XPNPEP3: variants seen among roughly 807,000 people sequenced by gnomAD.
XPNPEP3 encodes X-prolyl aminopeptidase 3.
In XPNPEP3, 41 loss-of-function variants were observed where a neutral mutation model predicts 60.0. The ratio of observed to expected loss-of-function variants is 0.68; its 90% CI spans 0.53 to 0.89. The LOEUF is 0.89. XPNPEP3 is among the 40% of genes least tolerant of loss of function. The probability of loss-of-function intolerance (pLI) is 0.00; values close to 1 mark genes in which losing one functional copy is unlikely to be tolerated. For missense variants in XPNPEP3, 598 were observed against 638.9 expected, an observed-to-expected ratio of 0.94 and a Z score of 0.69; for synonymous variants, 212 against 223.2, an observed-to-expected ratio of 0.95 and a Z score of 0.45.
intron 7 of XPNPEP3, among the ~76,000 whole-genome samples, chr22:40,916,235 T>G (rs2058195644): frequency 6.6e-6 from 1 of 151,342 alleles, no homozygotes; most frequent in Admixed American, 6.6e-5. Context: ...GAGGTTGCAG[T>G]GAGCCGAGAT....
At chr22:40,902,634 C>T (rs1009727862) in intron 4 of XPNPEP3, among the ~76,000 whole-genome samples, 2 of 152,288 alleles carry the variant, frequency 1.3e-5, no homozygotes, top group African/African-American at 2.4e-5. Flanking sequence ...CCGCCTGCCT[C>T]GGCCTCCCAA....
At chr22:40,874,913 C>G (rs2058021935) in intron 2 of XPNPEP3, among the ~76,000 whole-genome samples, 1 of 152,170 alleles carries the variant, frequency 6.6e-6, no homozygotes. Context: ...TCCCCAGTCA[C>G]TCAGTCCTTA....
chr22:40,868,938 T>C, intron 1 of XPNPEP3, 61 bp from the exon 2 acceptor site: 1 of 1,353,534 alleles, frequency 7.4e-7, no homozygotes, highest in East Asian at 2.3e-5. Flanking sequence ...ATAAGTGTAT[T>C]TATACCATGA....
At chr22:40,891,113 C>T (rs1197126386) in intron 4 of XPNPEP3, among the ~76,000 whole-genome samples, 5 of 136,134 alleles carry the variant, frequency 3.7e-5, no homozygotes, top group East Asian at 2.2e-4. Context: ...GAGCCCAAGA[C>T]GGGTGGATCA....
rs756878151 is a variant in XPNPEP3 at position 40,923,213 on chromosome 22, TA to T, written c.1236+714del. Among the ~76,000 whole-genome samples the T allele has an allele frequency of 8.1e-3, 1,110 of 136,972 alleles. 3 individuals carry two copies. Among genetic ancestry groups the T allele is most frequent in the African/African-American group, 0.011 (420 of 37,362 alleles). 89.9% of individuals were successfully genotyped at this position (136,972 alleles called of 152,430 possible). A position where few individuals can be genotyped will look rare whatever the true frequency, so the allele number is the denominator to read the frequency against. ...GGGCCACAGAACAAGGCCCTGTGTCTAAAAAAAAAAAAAAGAGAGAGAGATT... is the reference window on the plus strand; with the variant it reads ...GGGCCACAGAACAAGGCCCTGTGTCTAAAAAAAAAAAAAGAGAGAGAGATT... On this transcript the variant is annotated intron_variant, in intron 8 of 9. Coordinates refer to ENST00000357137, the MANE Select transcript of XPNPEP3 (RefSeq NM_022098.4).
chr22:40,893,632 T>G (rs1159535899), intron 4 of XPNPEP3, among the ~76,000 whole-genome samples: 2 of 152,100 alleles, frequency 1.3e-5, no homozygotes, highest in Non-Finnish European at 2.9e-5. Context: ...TTTTTGTGTT[T>G]TGAGATGGAG....
chr22:40,902,684 A>G (rs1346900702), intron 4 of XPNPEP3, among the ~76,000 whole-genome samples: 2 of 152,224 alleles, frequency 1.3e-5, no homozygotes, highest in Non-Finnish European at 2.9e-5. Context: ...GGCCTGGGCA[A>G]CACTCCTACT....
chr22:40,914,752 T>C (rs980854458), intron 7 of XPNPEP3, among the ~76,000 whole-genome samples: 4 of 151,950 alleles, frequency 2.6e-5, no homozygotes, highest in African/African-American at 9.7e-5. Flanking sequence ...AAAAATAAAG[T>C]TGATTTTTTA....
chr22:40,902,334 T>G (rs2058137471), intron 4 of XPNPEP3, among the ~76,000 whole-genome samples: 1 of 144,474 alleles, frequency 6.9e-6, no homozygotes, highest in Non-Finnish European at 1.5e-5. Flanking sequence ...TACTGCAAGC[T>G]CCACCTCCCG....
chr22:40,907,472 A>G (rs1242122733), intron 4 of XPNPEP3, 115 bp from the exon 5 acceptor site: 2 of 1,076,122 alleles, frequency 1.9e-6, no homozygotes, highest in East Asian at 2.4e-5. Flanking sequence ...TCACAACTTC[A>G]GGCTGACGAA....
rs907856925 is a variant in XPNPEP3, at chr22:40,910,359, T to G, written c.969+1124T>G. Among the ~76,000 whole-genome samples the G allele has an allele frequency of 2.0e-5, 3 of 152,144 alleles. No homozygotes were observed. The South Asian group carries it at 6.2e-4, about 32-fold the overall frequency. ...AATTAGCTACTGCTTGTTTATAAAC[T>G]CTATACAAATTGTATGCTCTGTATG... is the stretch of plus-strand genomic sequence containing the variant. On this transcript the variant is annotated intron_variant, in intron 6 of 9. Coordinates refer to ENST00000357137, the MANE Select transcript of XPNPEP3 (RefSeq NM_022098.4).
intron 4 of XPNPEP3, among the ~76,000 whole-genome samples, chr22:40,894,851 T>G (rs1215076450): frequency 1.3e-5 from 2 of 152,200 alleles, no homozygotes; most frequent in African/African-American, 4.8e-5. Context: ...GCTCCTCACA[T>G]GGAGGGCCCT....
intron 4 of XPNPEP3, chr22:40,888,292 A>G (rs762964655): frequency 1.4e-5 from 3 of 222,046 alleles, no homozygotes; most frequent in Non-Finnish European, 2.9e-5. Context: ...TGCCCAGACT[A>G]GAGTGCAGTA....
rs143895591 is a variant in XPNPEP3, at chr22:40,875,019, G to C, written c.181+5904G>C. Among the ~76,000 whole-genome samples the C allele has an allele frequency of 2.2e-4, 34 of 152,196 alleles. No individual in the cohort carries two copies. In the East Asian group the frequency reaches 5.4e-3, roughly 24 times the overall value. On this transcript the variant is annotated intron_variant, in intron 2 of 9. Transcript: ENST00000357137. ...AACACTTTTTTAATAGATTATACCT[G>C]ATAGAATAGTAGACTAAAAGTTTTG... is the stretch of plus-strand genomic sequence containing the variant.
At chr22:40,868,067 G>C (rs1017073098) in intron 1 of XPNPEP3, among the ~76,000 whole-genome samples, 2 of 151,998 alleles carry the variant, frequency 1.3e-5, no homozygotes, top group African/African-American at 4.8e-5. Context: ...AAAGACCACA[G>C]CATATAGCCT....
chr22:40,899,723 A>G (rs1601510024), intron 4 of XPNPEP3, among the ~76,000 whole-genome samples: 1 of 151,236 alleles, frequency 6.6e-6, no homozygotes, highest in East Asian at 1.9e-4. Flanking sequence ...GGAGGCTGAG[A>G]CAGGAGAATT....
At chr22:40,872,453 CTTT>C (rs547007897) in intron 2 of XPNPEP3, among the ~76,000 whole-genome samples, 2 of 144,006 alleles carry the variant, frequency 1.4e-5, no homozygotes, top group Non-Finnish European at 1.5e-5. Flanking sequence ...TGTGAGTCTA[CTTT>C]TTTTTTTTTT....
chr22:40,923,312 A>G (rs917667083), intron 8 of XPNPEP3, among the ~76,000 whole-genome samples: 1 of 152,038 alleles, frequency 6.6e-6, no homozygotes, highest in Non-Finnish European at 1.5e-5. Context: ...GACATTTTTG[A>G]CACTTCAGCA....
At chr22:40,858,131 G>A (rs2057914768) in intron 1 of XPNPEP3, among the ~76,000 whole-genome samples, 1 of 152,198 alleles carries the variant, frequency 6.6e-6, no homozygotes, top group East Asian at 1.9e-4. Context: ...TTTTGAGACA[G>A]GCTCTCATTC....
Sources: allele counts gnomAD v4.1 joint callset (sites outside exome capture counted in the v4.1 genomes callset), GRCh38; gene constraint gnomAD v4.1.1; transcripts MANE v1.5; gene names NCBI Gene and HGNC (gene_info 2026-07-23, HGNC 2026-07-21).